THSD7A: variants seen among roughly 807,000 people sequenced by gnomAD.
THSD7A encodes the protein thrombospondin type 1 domain containing 7A.
THSD7A carries 96 observed loss-of-function variants against 231.3 expected under a neutral mutation model. The observed-to-expected ratio is 0.41, with a 90% CI of 0.35 to 0.49. The LOEUF (loss-of-function observed/expected upper bound fraction) is 0.49. Ranked by LOEUF, THSD7A falls within the 20% of genes least tolerant of loss-of-function variation. The pLI is 0.05. For missense variants in THSD7A, 2,290 were observed against 2,070.2 expected (o/e 1.11, Z -2.06); for synonymous variants, 940 against 743.3 (o/e 1.26, Z -4.30).
chr7:11,796,511 TC>T (rs1158533210), intron 1 of THSD7A, among the ~76,000 whole-genome samples: 1 of 152,000 alleles, frequency 6.6e-6, no homozygotes, highest in Non-Finnish European at 1.5e-5. Flanking sequence ...AAAATTTCCA[TC>T]CAGAATACAG....
chr7:11,540,298 G>C (rs1789090262), intron 6 of THSD7A, among the ~76,000 whole-genome samples: 1 of 152,112 alleles, frequency 6.6e-6, no homozygotes, highest in South Asian at 2.1e-4. Context: ...TTAGACCCTG[G>C]ACAAAGACAA....
intron 2 of THSD7A, among the ~76,000 whole-genome samples, chr7:11,627,937 G>A (rs914503303): frequency 4.0e-5 from 6 of 151,786 alleles, no homozygotes; most frequent in Admixed American, 2.6e-4. Context: ...TATAAAATAA[G>A]CTAAAATCAC....
rs192507733 is a variant in THSD7A, at chr7:11,428,626, G to A, written c.3243+321C>T. Among the ~76,000 whole-genome samples, 4 of 152,224 alleles carry A rather than the reference G, an allele frequency of 2.6e-5. No individual in the cohort carries two copies. In the East Asian group the frequency reaches 7.7e-4, roughly 29 times the overall value. On this transcript the variant is annotated intron_variant, in intron 14 of 27. Transcript: ENST00000423059. ...CAGTTTGGGGAAACTATAAGAATGA[G>A]ATAATCTCAGCCTACATGTTAGATA...
intron 1 of THSD7A, among the ~76,000 whole-genome samples, chr7:11,709,091 T>A (rs982548041): frequency 6.6e-6 from 1 of 150,820 alleles, no homozygotes; most frequent in Admixed American, 6.6e-5. Flanking sequence ...CCTGCTCTTA[T>A]GTAAATCACT....
At chr7:11,715,589 G>T (rs2128150651) in intron 1 of THSD7A, among the ~76,000 whole-genome samples, 1 of 151,488 alleles carries the variant, frequency 6.6e-6, no homozygotes, top group Non-Finnish European at 1.5e-5. Context: ...TTTGATTTGA[G>T]AATTATATAT....
chr7:11,527,774 C>A (rs1206864612), intron 6 of THSD7A, among the ~76,000 whole-genome samples: 1 of 152,186 alleles, frequency 6.6e-6, no homozygotes, highest in African/African-American at 2.4e-5. Context: ...TCCCTCTCCT[C>A]TCTTTCTATA....
chr7:11,808,609 T>C (rs1196903725), intron 1 of THSD7A, among the ~76,000 whole-genome samples: 2 of 152,188 alleles, frequency 1.3e-5, no homozygotes, highest in Non-Finnish European at 2.9e-5. Flanking sequence ...TTAATAATAC[T>C]GAGATAGATG....
chr7:11,669,951 G>A (rs907610345), intron 1 of THSD7A, among the ~76,000 whole-genome samples: 3 of 148,134 alleles, frequency 2.0e-5, no homozygotes, highest in African/African-American at 7.6e-5. Context: ...AAGTTTTCAA[G>A]TTTAAGTACT....
chr7:11,804,228 G>C (rs1784346618), intron 1 of THSD7A, among the ~76,000 whole-genome samples: 1 of 151,972 alleles, frequency 6.6e-6, no homozygotes, highest in Non-Finnish European at 1.5e-5. Context: ...TAAAATAAAT[G>C]TTTATGTATT....
At chr7:11,558,435 T>C (rs1369228757) in intron 4 of THSD7A, among the ~76,000 whole-genome samples, 1 of 152,174 alleles carries the variant, frequency 6.6e-6, no homozygotes, top group Non-Finnish European at 1.5e-5. Flanking sequence ...TCTACTATAG[T>C]ACCACAGTCC....
At chr7:11,475,296 G>A (rs1397215899) in intron 7 of THSD7A, among the ~76,000 whole-genome samples, 2 of 152,080 alleles carry the variant, frequency 1.3e-5, no homozygotes, top group African/African-American at 2.4e-5. Flanking sequence ...GGTGAAAAGT[G>A]CATTGGCAAG....
At chr7:11,741,500 A>T (rs1782112331) in intron 1 of THSD7A, among the ~76,000 whole-genome samples, 1 of 151,910 alleles carries the variant, frequency 6.6e-6, no homozygotes, top group South Asian at 2.1e-4. Context: ...AAGTGTTGGA[A>T]ATAAACTCAC....
At chr7:11,669,078 C>A (rs1783270435) in intron 1 of THSD7A, among the ~76,000 whole-genome samples, 1 of 152,094 alleles carries the variant, frequency 6.6e-6, no homozygotes, top group Non-Finnish European at 1.5e-5. Context: ...TTTCCCTAAC[C>A]CACATACCAT....
chr7:11,499,622 G>T (rs1432759216), intron 6 of THSD7A, among the ~76,000 whole-genome samples: 1 of 152,146 alleles, frequency 6.6e-6, no homozygotes, highest in Admixed American at 6.5e-5. Context: ...GTACAAAAAA[G>T]AATCTAATGG....
chr7:11,447,014 T>C (rs1374598407), intron 12 of THSD7A, among the ~76,000 whole-genome samples: 1 of 152,096 alleles, frequency 6.6e-6, no homozygotes, highest in Admixed American at 6.6e-5. Flanking sequence ...ATCCACTGCA[T>C]ATTATATAGG....
At chr7:11,687,530 G>A (rs1445643591) in intron 1 of THSD7A, among the ~76,000 whole-genome samples, 1 of 151,810 alleles carries the variant, frequency 6.6e-6, no homozygotes, top group Non-Finnish European at 1.5e-5. Flanking sequence ...GAAGACTGAA[G>A]AAAAACATCT....
chr7:11,764,185 G>A (rs1012417167), intron 1 of THSD7A, among the ~76,000 whole-genome samples: 1 of 152,132 alleles, frequency 6.6e-6, no homozygotes, highest in Non-Finnish European at 1.5e-5. Flanking sequence ...GAAAGAGTAC[G>A]AACTTGACAG....
intron 22 of THSD7A, among the ~76,000 whole-genome samples, chr7:11,404,843 C>A (rs1321907048): frequency 1.3e-5 from 2 of 152,082 alleles, no homozygotes; most frequent in African/African-American, 4.8e-5. Flanking sequence ...GTATACAATA[C>A]AGTATTGTTA....
intron 7 of THSD7A, 138 bp downstream of exon 7, chr7:11,481,650 T>C (rs751662157): frequency 3.4e-5 from 29 of 856,272 alleles, no homozygotes; most frequent in Non-Finnish European, 4.8e-5. Context: ...GCTCAACACA[T>C]CAACAGATAT....
Sources: gnomAD v4.1 joint callset for allele counts (sites outside exome capture counted in the v4.1 genomes callset) on GRCh38, gnomAD v4.1.1 for gene constraint, MANE v1.5 for transcripts, NCBI Gene and HGNC (gene_info 2026-07-23, HGNC 2026-07-21) for gene names.